NCOA3: variants seen among roughly 807,000 people sequenced by gnomAD.
NCOA3 encodes the protein CBP-interacting protein.
A neutral mutation model predicts 158.8 loss-of-function variants in NCOA3; 51 were observed. The observed-to-expected ratio is 0.32, with a 90% confidence interval of 0.26 to 0.41. The LOEUF (loss-of-function observed/expected upper bound fraction) is 0.41, where lower values mean the gene tolerates loss of function less well. Ranked by LOEUF, NCOA3 falls within the 10% of genes least tolerant of loss-of-function variation. NCOA3 has a pLI of 1.00. For synonymous variants in NCOA3, 537 were observed against 592.4 expected, an observed-to-expected ratio of 0.91 and a Z score of 1.36; for missense variants, 1,510 against 1,746.6, an observed-to-expected ratio of 0.86 and a Z score of 2.41.
chr20:47,603,083 G>A (rs1460664183), intron 2 of NCOA3, among the ~76,000 whole-genome samples: 1 of 152,204 alleles, frequency 6.6e-6, no homozygotes, highest in Non-Finnish European at 1.5e-5. Context: ...TTTTGACAGA[G>A]AAGTGTATGA....
chr20:47,555,632 G>GTTTTGTT (rs2084990890), intron 1 of NCOA3, among the ~76,000 whole-genome samples: 1 of 64,156 alleles, frequency 1.6e-5, no homozygotes, highest in Non-Finnish European at 2.7e-5. Flanking sequence ...CTATTAAAGT[G>GTTTTGTT]TTTTTTTTTT....
At chr20:47,609,373 A>G (rs751773602) in intron 2 of NCOA3, among the ~76,000 whole-genome samples, 6 of 152,236 alleles carry the variant, frequency 3.9e-5, no homozygotes, top group East Asian at 1.9e-4. Context: ...ATGATTTTAC[A>G]GAAGTTCGTA....
At chr20:47,607,303 A>G (rs913630825) in intron 2 of NCOA3, among the ~76,000 whole-genome samples, 1 of 152,202 alleles carries the variant, frequency 6.6e-6, no homozygotes, top group Non-Finnish European at 1.5e-5. Context: ...GAAAATTTAT[A>G]TCTATAAAGG....
chr20:47,553,627 C>T (rs1482774555), intron 1 of NCOA3, among the ~76,000 whole-genome samples: 2 of 148,850 alleles, frequency 1.3e-5, no homozygotes, highest in Non-Finnish European at 3.0e-5. Flanking sequence ...CAATTCCCAC[C>T]TATGAGTGAG....
chr20:47,567,981 G>C (rs1441961502), intron 1 of NCOA3, among the ~76,000 whole-genome samples: 2 of 152,180 alleles, frequency 1.3e-5, no homozygotes, highest in Non-Finnish European at 2.9e-5. Context: ...TGGGATTACA[G>C]TCATGAGCCA....
intron 1 of NCOA3, among the ~76,000 whole-genome samples, chr20:47,560,833 A>AT (rs11474964): frequency 1.3e-5 from 2 of 151,758 alleles, no homozygotes; most frequent in South Asian, 2.1e-4. Flanking sequence ...TGATTTAAAA[A>AT]TTTTTTTTAT....
chr20:47,534,016 A>G (rs1022231391), intron 1 of NCOA3, among the ~76,000 whole-genome samples: 38 of 146,440 alleles, frequency 2.6e-4, no homozygotes, highest in African/African-American at 9.1e-4. Context: ...GGTTTAGACT[A>G]TGATTATGGC....
intron 1 of NCOA3, among the ~76,000 whole-genome samples, chr20:47,580,648 C>T (rs2085438635): frequency 6.6e-6 from 1 of 151,406 alleles, no homozygotes; most frequent in South Asian, 2.1e-4. Flanking sequence ...CTTCGTCTTT[C>T]CTAATAAAGG....
intron 1 of NCOA3, among the ~76,000 whole-genome samples, chr20:47,582,316 G>T (rs1414915709): frequency 6.6e-6 from 1 of 152,124 alleles, no homozygotes; most frequent in Non-Finnish European, 1.5e-5. Context: ...TAATTCAGGT[G>T]ATTCTCCTGC....
intron 1 of NCOA3, among the ~76,000 whole-genome samples, chr20:47,573,616 G>C (rs369920259): frequency 2.0e-5 from 3 of 152,174 alleles, no homozygotes; most frequent in East Asian, 3.8e-4. Context: ...TATCTGTAAA[G>C]CACAATAAAA....
intron 1 of NCOA3, among the ~76,000 whole-genome samples, chr20:47,528,693 A>G (rs2072033561): frequency 6.6e-6 from 1 of 152,258 alleles, no homozygotes; most frequent in Non-Finnish European, 1.5e-5. Context: ...AATCAGCTTT[A>G]CAATGTGATA....
In NCOA3 at chr20:47,518,450, G is replaced by A. The variant is rs562958613; in HGVS notation, c.-99+16431G>A. ...TTTTTTTTTTTTGAGACAGAGTTTC[G>A]CTCTTGTTGCCTGCCCAGGCTGCAG... On this transcript the variant is annotated intron_variant, in intron 1 of 22. Coordinates refer to ENST00000371998, the MANE Select transcript of NCOA3 (RefSeq NM_181659.3). Among the ~76,000 whole-genome samples the A allele has an allele frequency of 3.5e-3, 450 of 129,052 alleles. 2 individuals carry two copies. The highest frequency in any genetic ancestry group is 5.5e-3 in the Non-Finnish European group (344 of 62,898). The allele number at this position is 129,052 out of a possible 152,430, so 84.7% of individuals were successfully genotyped here. A position where few individuals can be genotyped will look rare whatever the true frequency, so the allele number is the denominator to read the frequency against.
chr20:47,609,703 C>T (rs6090705), intron 2 of NCOA3, among the ~76,000 whole-genome samples: 19,065 of 148,664 alleles, frequency 0.13, 1,634 homozygotes, highest in African/African-American at 0.24. Context: ...CACTCCAGCC[C>T]GGGTGACAGG....
rs373804279 is a variant in NCOA3 at position 47,600,065 on chromosome 20, A to G, written c.-20+16804A>G. On this transcript the variant is annotated intron_variant, in intron 2 of 22. Transcript: ENST00000371998. ...AGTATATACAAGTAGAAAAGCTCCA[A>G]TTATTTTACTTGAGATGATCTGATG... Among the ~76,000 whole-genome samples the G allele has an allele frequency of 4.7e-5, 7 of 149,406 alleles. 1 individual carries two copies. Among genetic ancestry groups the G allele is most frequent in the East Asian group, 1.9e-4 (1 of 5,134 alleles).
Position 47,636,414 on chromosome 20 carries a change from A to G in NCOA3, c.2028A>G (p.Ser676=). 1 of 1,614,124 alleles carries G rather than the reference A, an allele frequency of 6.2e-7. No homozygotes were observed. Among genetic ancestry groups the G allele is most frequent in the Non-Finnish European group, 8.5e-7 (1 of 1,180,020 alleles). The stretch of plus-strand genomic sequence containing the variant: ...CCTCTACATCCAATATGCATGGGTC[A>G]CTGTTACAAGAGAAGCACCGGATTT... ...GVSSTSNMHG[S]LLQEKHRILH... Residue 676 remains serine, a synonymous_variant, in exon 12 of 23, where the codon TCA becomes TCG. Transcript: ENST00000371998.
At chr20:47,595,168 G>A (rs888166385) in intron 2 of NCOA3, among the ~76,000 whole-genome samples, 1 of 144,582 alleles carries the variant, frequency 6.9e-6, no homozygotes, top group South Asian at 2.2e-4. Flanking sequence ...GCGCCATCTC[G>A]GCTCACTGCA....
intron 1 of NCOA3, among the ~76,000 whole-genome samples, chr20:47,526,888 C>G (rs2084463636): frequency 6.6e-6 from 1 of 152,322 alleles, no homozygotes; most frequent in East Asian, 1.9e-4. Flanking sequence ...GGTGATCCAC[C>G]TGCCTCGGCC....
Position 47,635,125 on chromosome 20 carries a change from TGCTGTGTTG to T in NCOA3, c.1113-196_1113-188del, listed in dbSNP as rs2086489498. 5.3e-5 allele frequency among the ~76,000 whole-genome samples: 8 copies of T among 152,190 alleles called. No individual in the cohort carries two copies. The South Asian group carries it at 1.7e-3, about 32-fold the overall frequency. The stretch of plus-strand genomic sequence containing the variant: ...TAAATTTTTTGTAGAGACATGATCT[TGCTGTGTTG>T]CCCAGGTTGGTTTCAAACTCCTGAG... On this transcript the variant is annotated intron_variant, in intron 10 of 22. Coordinates refer to ENST00000371998, the MANE Select transcript of NCOA3 (RefSeq NM_181659.3).
chr20:47,647,352 C>T lies in NCOA3; in HGVS notation c.3532C>T (p.Leu1178=), dbSNP rs772708624. The change falls in exon 18 of 23, where the codon CTG becomes TTG. Residue 1178 remains leucine (L), a synonymous_variant. Transcript: ENST00000371998. Reference sequence around the variant, plus strand: ...ACTTAGAATGCAGCTTCAGCAGAGGCTGCAGGGCCAGCAGGTAACCAGTCA... The same window carrying T: ...ACTTAGAATGCAGCTTCAGCAGAGGTTGCAGGGCCAGCAGGTAACCAGTCA... ...KQLRMQLQQR[L]QGQQFLNQSR... 1 of 1,613,984 alleles carries T rather than the reference C, an allele frequency of 6.2e-7. No homozygotes were observed. Among genetic ancestry groups the T allele is most frequent in the Non-Finnish European group, 8.5e-7 (1 of 1,179,858 alleles).
Sources: gnomAD v4.1 joint callset for allele counts (sites outside exome capture counted in the v4.1 genomes callset) on GRCh38, gnomAD v4.1.1 for gene constraint, MANE v1.5 for transcripts, NCBI Gene and HGNC (gene_info 2026-07-23, HGNC 2026-07-21) for gene names.